NKD2: variants seen among roughly 807,000 people sequenced by gnomAD.
NKD2 encodes NKD inhibitor of Wnt signaling pathway 2.
In NKD2, 43 loss-of-function variants were observed where a neutral mutation model predicts 34.8. The observed-to-expected ratio is 1.24, with a 90% CI of 0.97 to 1.60. The LOEUF is 1.60. Among genes scored for constraint, NKD2 ranks in the 40% most tolerant of loss-of-function variants. NKD2 has a pLI of 0.00. For synonymous variants in NKD2, 278 were observed against 265.1 expected (o/e 1.05, Z -0.47); for missense variants, 675 against 627.1 (o/e 1.08, Z -0.82).
intron 5 of NKD2, 94 bp from the exon 6 acceptor site, chr5:1,034,141 C>T (rs1733678137): frequency 1.1e-6 from 1 of 888,884 alleles, no homozygotes; most frequent in South Asian, 1.5e-5. Flanking sequence ...ATGAGGGACC[C>T]CTGGGAAAGG....
At chr5:1,034,668 G>C in intron 6 of NKD2, 88 bp from the exon 7 acceptor site, 1 of 1,352,542 alleles carries the variant, frequency 7.4e-7, no homozygotes. Context: ...CATAGGAAGG[G>C]GCGGGGGCTG....
intron 9 of NKD2, chr5:1,036,644 GC>G (rs1223161952): frequency 1.6e-6 from 1 of 615,826 alleles, no homozygotes; most frequent in Non-Finnish European, 3.0e-6. Flanking sequence ...TGTGGCGGAT[GC>G]GGGGGTGCCT....
At chr5:1,010,553 G>C (rs1464622729) in intron 3 of NKD2, among the ~76,000 whole-genome samples, 1 of 152,194 alleles carries the variant, frequency 6.6e-6, no homozygotes, top group Non-Finnish European at 1.5e-5. Flanking sequence ...GTTAGGATTG[G>C]TGCTTCCTGA....
intron 3 of NKD2, among the ~76,000 whole-genome samples, chr5:1,017,877 G>T (rs756269490): frequency 6.6e-6 from 1 of 151,396 alleles, no homozygotes; most frequent in Non-Finnish European, 1.5e-5. Flanking sequence ...TACAGGGCCC[G>T]TGGTGCTGGG....
In NKD2 at chr5:1,038,456, G is replaced by A; in HGVS notation, c.*83G>A. 3 of 1,535,614 alleles carry A rather than the reference G, an allele frequency of 2.0e-6. No homozygotes were observed. Among genetic ancestry groups the A allele is most frequent in the African/African-American group, 1.4e-5 (1 of 73,106 alleles). On this transcript the variant is annotated 3_prime_UTR_variant, in exon 10 of 10. Coordinates refer to ENST00000296849, the MANE Select transcript of NKD2 (RefSeq NM_033120.4). This position sits in a 1 kb window ranked among gnomAD's most constrained non-coding sequence, Gnocchi z 4.5. Reference sequence around the variant, plus strand: ...GGAGCAGAGCAGCTGCCGGCTGTGTGCCCATGGGGAGCCCAGCCCCCACCC... The same window carrying A: ...GGAGCAGAGCAGCTGCCGGCTGTGTACCCATGGGGAGCCCAGCCCCCACCC...
intron 9 of NKD2, among the ~76,000 whole-genome samples, chr5:1,037,354 G>T (rs562612766): frequency 1.3e-5 from 2 of 152,286 alleles, no homozygotes; most frequent in East Asian, 3.9e-4. Flanking sequence ...CTCCTTGGCC[G>T]CGCTCTGCAC....
intron 3 of NKD2, among the ~76,000 whole-genome samples, chr5:1,026,371 T>C (rs565361019): frequency 7.6e-5 from 5 of 65,998 alleles, no homozygotes; most frequent in African/African-American, 1.7e-4. Context: ...TGTGGGCGTC[T>C]CGGCCCATTG....
At chr5:1,033,631 C>A in intron 5 of NKD2, 132 bp downstream of exon 5, 1 of 1,117,246 alleles carries the variant, frequency 9.0e-7, no homozygotes, top group South Asian at 1.7e-5. Flanking sequence ...ACAGTTCACC[C>A]CGTTTAAGGC....
At chr5:1,034,410 C>T in intron 6 of NKD2, 80 bp downstream of exon 6, 2 of 1,200,340 alleles carry the variant, frequency 1.7e-6, no homozygotes, top group East Asian at 2.4e-5. Flanking sequence ...CGCGATACCT[C>T]AGGGGGCAGG....
intron 8 of NKD2, chr5:1,035,749 G>C (rs959153051): frequency 3.0e-5 from 15 of 491,940 alleles, no homozygotes; most frequent in East Asian, 1.0e-4. Flanking sequence ...GTGGCTCACT[G>C]TGGCTCCCTG....
In NKD2 at chr5:1,036,362, C is replaced by G. The variant is rs1332042694; in HGVS notation, c.765C>G (p.Asn255Lys). The change falls in exon 9 of 10, where the codon AAC becomes AAG. Residue 255 changes from asparagine (N) to lysine (K), a missense_variant. Coordinates refer to ENST00000296849, the MANE Select transcript of NKD2 (RefSeq NM_033120.4). ...NHYLDLAGIE[N>K]YTSRFGPGSP... ...ACCTGGACCTCGCCGGGATTGAGAA[C>G]TACACGTCCAGATTCGGCCCTGGTA... is the stretch of plus-strand genomic sequence containing the variant. 6.2e-7 allele frequency: 1 copy of G among 1,612,932 alleles called. No individual in the cohort carries two copies. The highest frequency in any genetic ancestry group is 1.7e-5 in the Admixed American group (1 of 59,984).
chr5:1,016,819 T>G (rs1755971691), intron 3 of NKD2, among the ~76,000 whole-genome samples: 1 of 152,104 alleles, frequency 6.6e-6, no homozygotes, highest in South Asian at 2.1e-4. Flanking sequence ...GCCTACCCCA[T>G]CCTCCTTTCC....
intron 3 of NKD2, among the ~76,000 whole-genome samples, chr5:1,011,635 C>G (rs946703780): frequency 6.6e-6 from 1 of 152,216 alleles, no homozygotes; most frequent in Non-Finnish European, 1.5e-5. Context: ...TGCCACAGAA[C>G]GGTGGCAGAG....
At chr5:1,032,279 C>G (rs1756675938) in intron 4 of NKD2, 67 bp downstream of exon 4, 1 of 1,280,664 alleles carries the variant, frequency 7.8e-7, no homozygotes, top group Non-Finnish European at 1.1e-6. Context: ...AAGGCAACGC[C>G]GAAAACCACC....
chr5:1,036,372 A>G lies in NKD2; in HGVS notation c.775A>G (p.Arg259Gly), dbSNP rs1431517556. The G allele has an allele frequency of 6.2e-7, 1 of 1,612,548 alleles. No individual in the cohort carries two copies. Among genetic ancestry groups the G allele is most frequent in the Non-Finnish European group, 8.5e-7 (1 of 1,179,586 alleles). The change falls in exon 9 of 10, where the codon AGA becomes GGA. Residue 259 changes from arginine (R) to glycine (G), a missense_variant. By Grantham distance (125) the Arg-to-Gly change is moderately radical. Coordinates refer to ENST00000296849, the MANE Select transcript of NKD2 (RefSeq NM_033120.4). ...CGCCGGGATTGAGAACTACACGTCCAGATTCGGCCCTGGTAGGTCCTGGAG... is the reference window on the plus strand; with the variant it reads ...CGCCGGGATTGAGAACTACACGTCCGGATTCGGCCCTGGTAGGTCCTGGAG... ...DLAGIENYTS[R>G]FGPGSPPVQA...
chr5:1,035,661 GC>G, intron 8 of NKD2, 188 bp downstream of exon 8: 3 of 587,872 alleles, frequency 5.1e-6, no homozygotes, highest in Non-Finnish European at 6.0e-6. Flanking sequence ...GCTGAGCTGG[GC>G]CCCCAAGTCT....
chr5:1,015,346 C>G (rs1426885299), intron 3 of NKD2, among the ~76,000 whole-genome samples: 3 of 152,216 alleles, frequency 2.0e-5, no homozygotes, highest in Admixed American at 1.3e-4. Flanking sequence ...AGAGAGGAAG[C>G]CTCTGGCCTC....
At chr5:1,021,073 A>T (rs1756156825) in intron 3 of NKD2, among the ~76,000 whole-genome samples, 1 of 152,202 alleles carries the variant, frequency 6.6e-6, no homozygotes, top group South Asian at 2.1e-4. Flanking sequence ...TTCTGGTCTT[A>T]TAGGAAGTTA....
chr5:1,030,050 C>T (rs933846055), intron 3 of NKD2, among the ~76,000 whole-genome samples: 16 of 149,250 alleles, frequency 1.1e-4, no homozygotes, highest in African/African-American at 4.1e-4. Context: ...GGGGGCTTCA[C>T]CACACAGGTC....
Sources: allele counts gnomAD v4.1 joint callset (sites outside exome capture counted in the v4.1 genomes callset), GRCh38; gene constraint gnomAD v4.1.1; non-coding constraint Gnocchi (gnomAD v3.1); transcripts MANE v1.5; gene names NCBI Gene and HGNC (gene_info 2026-07-23, HGNC 2026-07-21).